The following USP30 variants were observed in gnomAD, a reference collection of about 807,000 sequenced individuals.
USP30 encodes the protein ubiquitin carboxyl-terminal hydrolase 30.
Under a neutral mutation model 68.2 loss-of-function variants are expected in USP30, and 41 were observed. That is an observed-to-expected ratio of 0.60 (90% CI 0.47 to 0.78). USP30 has a LOEUF of 0.78. USP30 is among the 30% of genes least tolerant of loss of function. USP30 has a pLI of 0.00. For synonymous variants in USP30, 229 were observed against 253.7 expected (o/e 0.90, Z 0.93); for missense variants, 522 against 649.4 (o/e 0.80, Z 2.13).
intron 3 of USP30, among the ~76,000 whole-genome samples, chr12:109,036,734 T>A (rs1366626670): frequency 6.6e-6 from 1 of 152,190 alleles, no homozygotes; most frequent in African/African-American, 2.4e-5. Context: ...TTTTTTTTAA[T>A]ACTTTGAATA....
intron 3 of USP30, among the ~76,000 whole-genome samples, chr12:109,044,716 G>A (rs1485282094): frequency 6.6e-6 from 1 of 151,972 alleles, no homozygotes. Flanking sequence ...AAAAAAAATG[G>A]AAAAATCCTC....
chr12:109,054,479 C>T (rs1445837741), intron 1 of USP30, among the ~76,000 whole-genome samples: 1 of 151,844 alleles, frequency 6.6e-6, no homozygotes, highest in Non-Finnish European at 1.5e-5. Flanking sequence ...TGAGATGGCA[C>T]CACTGCACTC....
chr12:109,079,339 C>CTTTTTTTTTTCTTTTTTTTTTTTTTTT (rs2041713719), intron 7 of USP30, among the ~76,000 whole-genome samples: 7 of 62,242 alleles, frequency 1.1e-4, no homozygotes, highest in East Asian at 4.8e-4. Flanking sequence ...TTTTCTTTTT[C>CTTTTTTTTTTCTTTTTTTTTTTTTTTT]TTTTTTTTTT....
intron 3 of USP30, among the ~76,000 whole-genome samples, chr12:109,042,611 C>A (rs967890799): frequency 6.6e-6 from 1 of 152,106 alleles, no homozygotes; most frequent in Non-Finnish European, 1.5e-5. Context: ...TGCTTCCAAT[C>A]CCTTATTATT....
rs758510507 is a variant in USP30 at position 109,065,517 on chromosome 12, A to G, written c.377-2007A>G. Among the ~76,000 whole-genome samples the G allele has an allele frequency of 4.2e-4, 64 of 152,148 alleles. 1 individual carries two copies. The highest frequency in any genetic ancestry group is 4.1e-3 in the Admixed American group (63 of 15,274). On this transcript the variant is annotated intron_variant, in intron 3 of 12. Transcript: ENST00000257548. ...CCAGGAAATGGTGATCAGTGCTCCC[A>G]GTGTGGGGAAAAGTGGGGATCATTT...
chr12:109,084,931 C>G, intron 11 of USP30, 22 bp from the exon 12 acceptor site: 2 of 1,547,864 alleles, frequency 1.3e-6, no homozygotes, highest in Non-Finnish European at 1.8e-6. Context: ...TTTTCATTGA[C>G]TCGGGCCTTT....
chr12:109,045,853 T>C (rs888180046), intron 3 of USP30, among the ~76,000 whole-genome samples: 5 of 151,156 alleles, frequency 3.3e-5, no homozygotes, highest in Non-Finnish European at 7.4e-5. Flanking sequence ...ATAGATCATA[T>C]AGATACAGAC....
upstream of USP30, among the ~76,000 whole-genome samples, chr12:109,048,429 T>C (rs1255599887): frequency 2.1e-5 from 3 of 144,846 alleles, no homozygotes; most frequent in African/African-American, 5.2e-5. Flanking sequence ...TTTCCATCAG[T>C]GATTGCCAGG....
chr12:109,029,803 C>T (rs1188399483), intron 3 of USP30, among the ~76,000 whole-genome samples: 2 of 152,122 alleles, frequency 1.3e-5, no homozygotes, highest in African/African-American at 4.8e-5. Flanking sequence ...TAACAGAGAA[C>T]ACAGCTGCTG....
chr12:109,050,425 C>T (rs769809734), upstream of USP30, among the ~76,000 whole-genome samples: 4 of 152,140 alleles, frequency 2.6e-5, no homozygotes, highest in African/African-American at 4.8e-5. Flanking sequence ...CCTTTTTAAG[C>T]GTACAAAGAG....
chr12:109,023,527 C>A (rs1248130323), intron 1 of USP30, among the ~76,000 whole-genome samples: 5 of 151,796 alleles, frequency 3.3e-5, no homozygotes, highest in Non-Finnish European at 7.4e-5. Context: ...TGCACTCCAG[C>A]CTGGGTGATA....
chr12:109,053,891 T>C (rs1383907602), intron 1 of USP30: 1 of 382,170 alleles, frequency 2.6e-6, no homozygotes, highest in Non-Finnish European at 5.2e-6. Flanking sequence ...TTGAACTTCG[T>C]GGTTTTAAGC....
chr12:109,042,616 A>G (rs143218616), intron 3 of USP30, among the ~76,000 whole-genome samples: 1 of 152,260 alleles, frequency 6.6e-6, no homozygotes, highest in East Asian at 1.9e-4. Flanking sequence ...CCAATCCCTT[A>G]TTATTAAAAA....
At chr12:109,084,237 C>T (rs539806898) in intron 11 of USP30, among the ~76,000 whole-genome samples, 1 of 152,002 alleles carries the variant, frequency 6.6e-6, no homozygotes. Context: ...AAAACACACA[C>T]AAAAAATGTC....
At chr12:109,068,915 G>C (rs2041343301) in intron 4 of USP30, among the ~76,000 whole-genome samples, 1 of 152,236 alleles carries the variant, frequency 6.6e-6, no homozygotes, top group African/African-American at 2.4e-5. Flanking sequence ...TCAATCAGGA[G>C]CAGATTTTCC....
At chr12:109,058,174 T>C in intron 3 of USP30, 66 bp downstream of exon 3, 1 of 1,485,030 alleles carries the variant, frequency 6.7e-7, no homozygotes, top group South Asian at 1.3e-5. Flanking sequence ...ACAGAGACTC[T>C]TATAACAAAG....
chr12:109,046,037 C>A (rs911394311), intron 3 of USP30, among the ~76,000 whole-genome samples: 2 of 148,746 alleles, frequency 1.3e-5, no homozygotes, highest in Non-Finnish European at 3.0e-5. Context: ...GCAATTCAGG[C>A]AGTCTGCAAG....
chr12:109,042,922 T>A (rs1345786224), intron 3 of USP30, among the ~76,000 whole-genome samples: 1 of 151,996 alleles, frequency 6.6e-6, no homozygotes, highest in Non-Finnish European at 1.5e-5. Flanking sequence ...ACAAAGAAAG[T>A]CAATACACAA....
At position 109,088,007 on chromosome 12, in the gene USP30, A is replaced by C. The variant is rs2041986538; in HGVS notation, c.*2076A>C. ...TGTGTATTATAGCAATAAAATAATC[A>C]TTTTGTTAGAAAAAAATCACCTGGT... On this transcript the variant is annotated 3_prime_UTR_variant, in exon 13 of 13. Transcript: ENST00000257548. The surrounding 1 kb of genome is among the most constrained non-coding windows in gnomAD (Gnocchi z 4.2). The C allele has an allele frequency of 4.1e-6, 2 of 488,996 alleles. No individual in the cohort carries two copies. Among genetic ancestry groups the C allele is most frequent in the Non-Finnish European group, 7.2e-6 (2 of 279,670 alleles). The allele number at this position is 488,996 out of a possible 1,614,324, so 30.3% of individuals were successfully genotyped here. A position where few individuals can be genotyped will look rare whatever the true frequency, so the allele number is the denominator to read the frequency against.
Sources: allele counts gnomAD v4.1 joint callset (sites outside exome capture counted in the v4.1 genomes callset), GRCh38; gene constraint gnomAD v4.1.1; non-coding constraint Gnocchi (gnomAD v3.1); transcripts MANE v1.5; gene names NCBI Gene and HGNC (gene_info 2026-07-23, HGNC 2026-07-21).